The following LRRTM4 variants were observed in gnomAD, a reference collection of about 807,000 sequenced individuals.
The protein encoded by LRRTM4 is leucine-rich repeat transmembrane neuronal protein 4.
LRRTM4 carries 25 observed loss-of-function variants against 47.6 expected under a neutral mutation model. The ratio of observed to expected loss-of-function variants is 0.53; its 90% CI spans 0.38 to 0.73. The LOEUF (loss-of-function observed/expected upper bound fraction) is 0.73, where lower values mean the gene tolerates loss of function less well. LRRTM4 is among the 30% of genes least tolerant of loss of function. The pLI, the probability that LRRTM4 is intolerant of heterozygous loss-of-function variation, is 0.00. For synonymous variants in LRRTM4, 311 were observed against 269.5 expected, an observed-to-expected ratio of 1.15 and a Z score of -1.51; for missense variants, 638 against 713.4, an observed-to-expected ratio of 0.89 and a Z score of 1.20.
At chr2:77,433,315 A>G (rs1266094905) in intron 3 of LRRTM4, among the ~76,000 whole-genome samples, 1 of 152,186 alleles carries the variant, frequency 6.6e-6, no homozygotes, top group Non-Finnish European at 1.5e-5. Flanking sequence ...ACAGAAAGTT[A>G]TGAGGGCAGT....
chr2:76,763,741 G>A (rs113273735), intron 3 of LRRTM4, among the ~76,000 whole-genome samples: 12 of 152,256 alleles, frequency 7.9e-5, no homozygotes, highest in African/African-American at 2.9e-4. Context: ...AAAATACTAG[G>A]TTGTCATGAA....
intron 3 of LRRTM4, among the ~76,000 whole-genome samples, chr2:77,010,094 C>G (rs1353733950): frequency 6.6e-6 from 1 of 151,768 alleles, no homozygotes; most frequent in Non-Finnish European, 1.5e-5. Flanking sequence ...TTAATTCAAG[C>G]TATTTAACAT....
intron 3 of LRRTM4, among the ~76,000 whole-genome samples, chr2:77,078,298 T>C (rs998136996): frequency 4.6e-5 from 7 of 152,140 alleles, no homozygotes; most frequent in Admixed American, 1.3e-4. Context: ...TTTCTTTTCA[T>C]ACCTAGTTTC....
In LRRTM4 at chr2:76,851,754, CGT is replaced by C. The variant is rs1491093120; in HGVS notation, c.1552-102840_1552-102839del. ...CATGCTTAGATTTTTAACTTTTATT[CGT>C]TTTTTTTTTTTTTTTTTTTGACATT... On this transcript the variant is annotated intron_variant, in intron 3 of 3. Transcript: ENST00000409884. Among the ~76,000 whole-genome samples the C allele has an allele frequency of 9.4e-4, 102 of 108,636 alleles. No homozygotes were observed. The South Asian group carries it at 0.015, about 16-fold the overall frequency. The allele number at this position is 108,636 out of a possible 152,430, so 71.3% of individuals were successfully genotyped here.
At chr2:76,786,391 A>C (rs1489593669) in intron 3 of LRRTM4, among the ~76,000 whole-genome samples, 1 of 151,920 alleles carries the variant, frequency 6.6e-6, no homozygotes, top group Non-Finnish European at 1.5e-5. Context: ...GTCCCCCAAG[A>C]CTCCTAACAT....
At chr2:76,968,591 T>C (rs1676116720) in intron 3 of LRRTM4, among the ~76,000 whole-genome samples, 1 of 151,528 alleles carries the variant, frequency 6.6e-6, no homozygotes, top group African/African-American at 2.4e-5. Context: ...CTGCTCATTT[T>C]GCTTTTTAGC....
chr2:76,981,576 C>A (rs182245402), intron 3 of LRRTM4, among the ~76,000 whole-genome samples: 59 of 152,142 alleles, frequency 3.9e-4, no homozygotes, highest in African/African-American at 1.3e-3. Flanking sequence ...CTCACTGCAG[C>A]CTCAAACTCC....
intron 3 of LRRTM4, among the ~76,000 whole-genome samples, chr2:76,911,816 TTG>T (rs1326893611): frequency 6.6e-6 from 1 of 151,494 alleles, no homozygotes; most frequent in Non-Finnish European, 1.5e-5. Flanking sequence ...AAACAGTGAT[TTG>T]TGTGTGTGCC....
At chr2:77,232,748 T>G (rs557060524) in intron 3 of LRRTM4, among the ~76,000 whole-genome samples, 1 of 152,326 alleles carries the variant, frequency 6.6e-6, no homozygotes, top group East Asian at 1.9e-4. Flanking sequence ...GGTAAGAGTA[T>G]TTTTCTATTA....
At chr2:77,392,168 A>C (rs1264691317) in intron 3 of LRRTM4, among the ~76,000 whole-genome samples, 1 of 151,914 alleles carries the variant, frequency 6.6e-6, no homozygotes, top group African/African-American at 2.4e-5. Context: ...TGGCTACCAC[A>C]ATCTCCATCC....
chr2:77,244,077 A>G (rs1241225128), intron 3 of LRRTM4, among the ~76,000 whole-genome samples: 1 of 132,360 alleles, frequency 7.6e-6, no homozygotes, highest in Admixed American at 8.2e-5. Flanking sequence ...AATTTCATCC[A>G]TGTCCCTACA....
chr2:77,073,224 G>C (rs146583877), intron 3 of LRRTM4, among the ~76,000 whole-genome samples: 34 of 151,314 alleles, frequency 2.2e-4, no homozygotes, highest in African/African-American at 7.8e-4. Flanking sequence ...CATAGAACTT[G>C]ACAATACTAT....
intron 3 of LRRTM4, among the ~76,000 whole-genome samples, chr2:76,919,833 C>T (rs1674378319): frequency 1.3e-5 from 2 of 152,092 alleles, no homozygotes; most frequent in Non-Finnish European, 2.9e-5. Context: ...AGAATTAAGT[C>T]TTACATATGA....
chr2:76,773,578 T>C (rs1256187688), intron 3 of LRRTM4, among the ~76,000 whole-genome samples: 1 of 151,930 alleles, frequency 6.6e-6, no homozygotes, highest in Non-Finnish European at 1.5e-5. Flanking sequence ...AAAATGTTAA[T>C]TTTAGATAAA....
At chr2:77,468,431 T>C (rs75311542) in intron 3 of LRRTM4, among the ~76,000 whole-genome samples, 125 of 152,318 alleles carry the variant, frequency 8.2e-4, no homozygotes, top group Non-Finnish European at 1.6e-3. Flanking sequence ...AATCATTGTG[T>C]TATAGCATGC....
intron 3 of LRRTM4, among the ~76,000 whole-genome samples, chr2:76,989,227 T>C (rs546973843): frequency 2.0e-5 from 3 of 151,916 alleles, no homozygotes; most frequent in African/African-American, 2.4e-5. Context: ...AGCAGGTAGA[T>C]TGAAAATTTA....
At chr2:76,832,063 T>C (rs1319925790) in intron 3 of LRRTM4, among the ~76,000 whole-genome samples, 2 of 152,116 alleles carry the variant, frequency 1.3e-5, no homozygotes, top group Non-Finnish European at 2.9e-5. Flanking sequence ...ATGAGTTTTT[T>C]CCATGTAAAG....
chr2:76,866,487 T>C (rs1672472751), intron 3 of LRRTM4, among the ~76,000 whole-genome samples: 1 of 152,176 alleles, frequency 6.6e-6, no homozygotes, highest in African/African-American at 2.4e-5. Context: ...CAGTTTTGGA[T>C]TGGCTCTTCA....
chr2:76,889,587 G>A (rs1391125279), intron 3 of LRRTM4, among the ~76,000 whole-genome samples: 2 of 151,726 alleles, frequency 1.3e-5, no homozygotes, highest in East Asian at 3.9e-4. Flanking sequence ...AAAATAATTT[G>A]GCTTCAAAGA....
Sources: allele counts gnomAD v4.1 joint callset (sites outside exome capture counted in the v4.1 genomes callset), GRCh38; gene constraint gnomAD v4.1.1; transcripts MANE v1.5; gene names NCBI Gene and HGNC (gene_info 2026-07-23, HGNC 2026-07-21).